The following KIF13B variants were observed in gnomAD, a reference collection of about 807,000 sequenced individuals.
The protein encoded by KIF13B is kinesin family member 13B.
KIF13B carries 127 observed loss-of-function variants against 222.0 expected under a neutral mutation model. The ratio of observed to expected loss-of-function variants is 0.57; its 90% CI spans 0.50 to 0.66. The LOEUF is 0.66. Among genes scored for constraint, KIF13B ranks in the 30% least tolerant of loss-of-function variants. The pLI, the probability that KIF13B is intolerant of heterozygous loss-of-function variation, is 0.00. For synonymous variants in KIF13B, 976 were observed against 919.0 expected (o/e 1.06, Z -1.12); for missense variants, 2,173 against 2,379.0 (o/e 0.91, Z 1.80).
At chr8:29,252,108 C>T (rs968428624) in intron 1 of KIF13B, among the ~76,000 whole-genome samples, 9 of 152,134 alleles carry the variant, frequency 5.9e-5, no homozygotes, top group Non-Finnish European at 1.0e-4. Flanking sequence ...TTAATTTATT[C>T]CACCAACATT....
At chr8:29,171,460 T>A (rs182735260) in intron 10 of KIF13B, among the ~76,000 whole-genome samples, 1 of 152,120 alleles carries the variant, frequency 6.6e-6, no homozygotes, top group Non-Finnish European at 1.5e-5. Flanking sequence ...GAAAATGTTA[T>A]AGAAGATGGG....
chr8:29,220,678 T>C (rs1814701832), intron 2 of KIF13B, among the ~76,000 whole-genome samples: 1 of 151,902 alleles, frequency 6.6e-6, no homozygotes, highest in Non-Finnish European at 1.5e-5. Flanking sequence ...AAAAGATACA[T>C]ACAAACATAC....
chr8:29,248,331 G>A (rs76433997), intron 1 of KIF13B, among the ~76,000 whole-genome samples: 1,704 of 152,240 alleles, frequency 0.011, 59 homozygotes, highest in East Asian at 0.1. Context: ...TATCCCTAGC[G>A]CAGAACACTA....
chr8:29,203,345 C>T (rs1813782880), intron 2 of KIF13B, among the ~76,000 whole-genome samples: 2 of 152,180 alleles, frequency 1.3e-5, no homozygotes, highest in Admixed American at 1.3e-4. Flanking sequence ...TACAGGCTAA[C>T]TCCTATTCAT....
chr8:29,087,992 G>A (rs1808121481), intron 37 of KIF13B, among the ~76,000 whole-genome samples: 1 of 152,106 alleles, frequency 6.6e-6, no homozygotes, highest in East Asian at 1.9e-4. Flanking sequence ...TTTTGGCTGG[G>A]CGCAGTGGTT....
intron 2 of KIF13B, among the ~76,000 whole-genome samples, chr8:29,241,310 G>A (rs1244211985): frequency 6.6e-6 from 1 of 152,224 alleles, no homozygotes; most frequent in Non-Finnish European, 1.5e-5. Flanking sequence ...CAAGCAGATA[G>A]TGGTGCAGGT....
At position 29,072,107 on chromosome 8, in the gene KIF13B, G is replaced by A. The variant is rs772932097; in HGVS notation, c.4731C>T (p.Thr1577=). Residue 1577 remains threonine (T), a synonymous_variant, in exon 39 of 40, where the codon ACC becomes ACT. Coordinates refer to ENST00000524189, the MANE Select transcript of KIF13B (RefSeq NM_015254.4). The stretch of plus-strand genomic sequence containing the variant: ...GGCCGGGGCCCAGGGCGTCCGACAG[G>A]GTCGCGGTGGAGACGCTGTGGGAGA... ...GYFSHSVSTA[T]LSDALGPGLD... 7.3e-7 allele frequency: 1 copy of A among 1,360,614 alleles called. No individual in the cohort carries two copies. 84.3% of individuals were successfully genotyped at this position (1,360,614 alleles called of 1,614,324 possible). A position where few individuals can be genotyped will look rare whatever the true frequency, so the allele number is the denominator to read the frequency against.
intron 37 of KIF13B, among the ~76,000 whole-genome samples, chr8:29,077,426 G>A (rs1009469626): frequency 6.6e-6 from 1 of 152,238 alleles, no homozygotes; most frequent in Admixed American, 6.5e-5. Context: ...CCACAAATGG[G>A]AAGGTGTTCA....
intron 2 of KIF13B, among the ~76,000 whole-genome samples, chr8:29,227,823 C>T (rs761935150): frequency 3.9e-5 from 6 of 152,012 alleles, no homozygotes; most frequent in East Asian, 1.9e-4. Flanking sequence ...TGGTGGTGCA[C>T]GCCTGTAGCC....
At chr8:29,238,542 G>A (rs928235598) in intron 2 of KIF13B, among the ~76,000 whole-genome samples, 2 of 152,186 alleles carry the variant, frequency 1.3e-5, no homozygotes, top group East Asian at 3.8e-4. Flanking sequence ...AAGATGATGT[G>A]ATCAACATCT....
chr8:29,176,448 G>T (rs946374559), intron 9 of KIF13B, among the ~76,000 whole-genome samples: 1 of 152,152 alleles, frequency 6.6e-6, no homozygotes, highest in African/African-American at 2.4e-5. Context: ...CCAAAACCAT[G>T]TATCTTTAAG....
At chr8:29,137,265 G>A (rs1464991400) in intron 21 of KIF13B, among the ~76,000 whole-genome samples, 4 of 152,198 alleles carry the variant, frequency 2.6e-5, no homozygotes, top group African/African-American at 9.7e-5. Flanking sequence ...CAACCTCTCA[G>A]GAATGCAACT....
At chr8:29,127,067 G>A in intron 25 of KIF13B, 55 bp downstream of exon 25, 2 of 1,544,818 alleles carry the variant, frequency 1.3e-6, no homozygotes, top group South Asian at 2.3e-5. Flanking sequence ...GTTCCAAAAG[G>A]CACTCTGGTC....
intron 37 of KIF13B, among the ~76,000 whole-genome samples, chr8:29,081,262 A>G (rs1807797517): frequency 6.6e-6 from 1 of 152,200 alleles, no homozygotes; most frequent in Admixed American, 6.5e-5. Flanking sequence ...GTAACCTGAG[A>G]CAGGTGTGCA....
intron 35 of KIF13B, among the ~76,000 whole-genome samples, chr8:29,106,230 C>T (rs1282296116): frequency 6.6e-6 from 1 of 152,260 alleles, no homozygotes; most frequent in East Asian, 1.9e-4. Context: ...TACAGAAACC[C>T]GTGTCCATGC....
intron 29 of KIF13B, among the ~76,000 whole-genome samples, chr8:29,120,401 T>C (rs1325804749): frequency 1.3e-5 from 1 of 76,906 alleles, no homozygotes; most frequent in Non-Finnish European, 2.5e-5. Context: ...CATTGTTCAA[T>C]TCCCACCTAT....
chr8:29,227,704 T>A (rs891831796), intron 2 of KIF13B, among the ~76,000 whole-genome samples: 9 of 152,082 alleles, frequency 5.9e-5, no homozygotes, highest in African/African-American at 2.2e-4. Flanking sequence ...ATCCCAGGGC[T>A]TTGGGAGGCA....
intron 26 of KIF13B, 34 bp downstream of exon 26, chr8:29,126,448 T>C: frequency 7.1e-7 from 1 of 1,405,838 alleles, no homozygotes; most frequent in South Asian, 1.2e-5. Flanking sequence ...TTAATCATGC[T>C]TATTTGAGAT....
Position 29,260,536 on chromosome 8 carries a change from T to C in KIF13B, c.55+2444A>G, listed in dbSNP as rs116838503. Among the ~76,000 whole-genome samples, 670 of 152,244 alleles carry C rather than the reference T, an allele frequency of 4.4e-3. 4 individuals are homozygous for C. The highest frequency in any genetic ancestry group is 0.015 in the African/African-American group (626 of 41,552). Reference sequence around the variant, plus strand: ...ATAACTGTTCAAAGTAATATTCTTTTCAAAATTACTGGAAAGGTTCCTACA... The same window carrying C: ...ATAACTGTTCAAAGTAATATTCTTTCCAAAATTACTGGAAAGGTTCCTACA... On this transcript the variant is annotated intron_variant, in intron 1 of 39. Coordinates refer to ENST00000524189, the MANE Select transcript of KIF13B (RefSeq NM_015254.4).
Sources: gnomAD v4.1 joint callset for allele counts (sites outside exome capture counted in the v4.1 genomes callset) on GRCh38, gnomAD v4.1.1 for gene constraint, MANE v1.5 for transcripts, NCBI Gene and HGNC (gene_info 2026-07-23, HGNC 2026-07-21) for gene names.